The following KANSL1 variants were observed in gnomAD, a reference collection of about 807,000 sequenced individuals.
The protein encoded by KANSL1 is KAT8 regulatory NSL complex subunit 1.
A neutral mutation model predicts 103.6 loss-of-function variants in KANSL1; 22 were observed. The ratio of observed to expected loss-of-function variants is 0.21; its 90% CI spans 0.15 to 0.30. KANSL1 has a LOEUF of 0.30. KANSL1 is among the 10% of genes least tolerant of loss of function. The probability of loss-of-function intolerance (pLI) is 1.00; values close to 1 mark genes in which losing one functional copy is unlikely to be tolerated. For synonymous variants in KANSL1, 600 were observed against 527.6 expected (o/e 1.14, Z -1.88); for missense variants, 1,337 against 1,399.8 (o/e 0.96, Z 0.72).
chr17:46,161,435 C>CA (rs367893192), intron 2 of KANSL1, among the ~76,000 whole-genome samples: 23,253 of 134,654 alleles, frequency 0.17, 2,259 homozygotes, highest in Non-Finnish European at 0.24. Flanking sequence ...GACTCTGTCT[C>CA]AAAAAAAAAA....
chr17:46,054,319 G>C (rs1454216955), intron 6 of KANSL1, among the ~76,000 whole-genome samples: 2 of 152,186 alleles, frequency 1.3e-5, no homozygotes, highest in African/African-American at 4.8e-5. Flanking sequence ...TTCCCAAAGT[G>C]CTGGGATTAC....
At chr17:46,195,650 G>C (rs1183961828), upstream of KANSL1, among the ~76,000 whole-genome samples, 1 of 152,188 alleles carries the variant, frequency 6.6e-6, no homozygotes, top group African/African-American at 2.4e-5. Context: ...CAGCCTCCCA[G>C]GCTCAGGCGA....
intron 6 of KANSL1, among the ~76,000 whole-genome samples, chr17:46,052,794 T>TAA (rs35162336): frequency 0.13 from 15,513 of 118,136 alleles, 1,145 homozygotes; most frequent in Non-Finnish European, 0.16. Context: ...AATTTAAAAT[T>TAA]AAAAAAAAAA....
Position 46,171,668 on chromosome 17 carries a change from T to A in KANSL1, c.476A>T (p.Lys159Met), listed in dbSNP as rs1483703003. ...ATGTGTTGAACTTTTAGTCAATTTC[T>A]TAGCCAACCCATTTACAGGTGCTTG... is the stretch of plus-strand genomic sequence containing the variant. ...LPQAPVNGLA[K>M]KLTKSSTHSD... Residue 159 changes from lysine to methionine, a missense_variant, in exon 2 of 15, where the codon AAG becomes ATG. Coordinates refer to ENST00000432791, the MANE Select transcript of KANSL1 (RefSeq NM_015443.4). The A allele has an allele frequency of 6.4e-7, 1 of 1,552,318 alleles. No homozygotes were observed.
intron 3 of KANSL1, chr17:46,093,780 T>C (rs1568440086): frequency 1.3e-5 from 2 of 152,206 alleles, no homozygotes; most frequent in South Asian, 2.1e-4. Context: ...TACATAAAGA[T>C]AGAGCTCAGC....
chr17:46,166,063 T>C (rs1162822498), intron 2 of KANSL1, among the ~76,000 whole-genome samples: 4 of 150,934 alleles, frequency 2.7e-5, no homozygotes, highest in South Asian at 2.1e-4. Flanking sequence ...AATACAAAAA[T>C]TAGCCAGGCA....
At chr17:46,068,022 A>G (rs986168470) in intron 4 of KANSL1, among the ~76,000 whole-genome samples, 1 of 152,164 alleles carries the variant, frequency 6.6e-6, no homozygotes, top group Non-Finnish European at 1.5e-5. Flanking sequence ...GGGAAGAGGG[A>G]TGAGGAATCC....
intron 2 of KANSL1, among the ~76,000 whole-genome samples, chr17:46,122,742 A>T (rs1009990195): frequency 6.6e-6 from 1 of 152,244 alleles, no homozygotes; most frequent in African/African-American, 2.4e-5. Context: ...CAATATTTCA[A>T]ATGTTTTCAT....
chr17:46,097,605 G>A (rs2042141601), intron 2 of KANSL1, among the ~76,000 whole-genome samples: 1 of 152,206 alleles, frequency 6.6e-6, no homozygotes, highest in African/African-American at 2.4e-5. Context: ...CATTAACATT[G>A]TTTAAATATT....
At chr17:46,092,930 T>C (rs553136797) in intron 3 of KANSL1, 5 of 152,276 alleles carry the variant, frequency 3.3e-5, no homozygotes, top group Non-Finnish European at 5.9e-5. Context: ...TTACAATCAA[T>C]AGCATCTTAA....
intron 1 of KANSL1, among the ~76,000 whole-genome samples, chr17:46,211,470 C>G (rs1449007155): frequency 6.6e-6 from 1 of 152,204 alleles, no homozygotes; most frequent in Non-Finnish European, 1.5e-5. Flanking sequence ...CAAAGCTGTC[C>G]TGGGCCGCAT....
At chr17:46,200,428 A>G (rs1481142549) in intron 1 of KANSL1, among the ~76,000 whole-genome samples, 3 of 152,208 alleles carry the variant, frequency 2.0e-5, no homozygotes, top group Non-Finnish European at 4.4e-5. Context: ...GCAGGTGTAC[A>G]AGGCAAAACA....
chr17:46,067,363 G>A (rs538029516), intron 5 of KANSL1, among the ~76,000 whole-genome samples, 186 bp downstream of exon 5: 4 of 152,246 alleles, frequency 2.6e-5, no homozygotes, highest in Non-Finnish European at 5.9e-5. Flanking sequence ...ATTTTAGTAG[G>A]TAAAAGGAAA....
chr17:46,214,284 T>G (rs2048270686), intron 1 of KANSL1, among the ~76,000 whole-genome samples: 1 of 152,262 alleles, frequency 6.6e-6, no homozygotes, highest in Non-Finnish European at 1.5e-5. Context: ...GCTTTTCCAC[T>G]GATACCCTCC....
At chr17:46,040,311 TACTACATA>T in intron 7 of KANSL1, 1 of 165,144 alleles carries the variant, frequency 6.1e-6, no homozygotes, top group Non-Finnish European at 1.3e-5. Context: ...CTGTACTGAG[TACTACATA>T]CTCTCTCCAA....
In KANSL1 at chr17:46,033,099, G is replaced by C. The variant is rs1448372649; in HGVS notation, c.2818C>G (p.Pro940Ala). 4.4e-6 allele frequency: 7 copies of C among 1,593,614 alleles called. No individual in the cohort carries two copies. The highest frequency in any genetic ancestry group is 6.0e-6 in the Non-Finnish European group (7 of 1,169,564). Residue 940 changes from proline (P) to alanine (A), a missense_variant, in exon 13 of 15, where the codon CCC (proline) becomes GCC (alanine). Physicochemically the swap from Pro to Ala is conservative, Grantham distance 27. This residue lies in a region of KANSL1 where 780 missense variants were observed against 923.4 expected (regional missense o/e 0.84). Transcript: ENST00000432791. ...CATCACCTGCTGCCCCGCCGCTGGG[G>C]TGGCACACTCGTGGTCCACAGCCAC... The part of the protein sequence containing the change: ...ARWLWTTSVP[P>A]QRRGSRSYRS...
chr17:46,041,533 A>G (rs1568377530), intron 7 of KANSL1: 1 of 152,140 alleles, frequency 6.6e-6, no homozygotes, highest in Non-Finnish European at 1.5e-5. Flanking sequence ...CAGAGTCCCT[A>G]TCCACTGCTT....
intron 1 of KANSL1, among the ~76,000 whole-genome samples, chr17:46,210,808 A>G (rs1597976398): frequency 1.3e-5 from 2 of 152,242 alleles, no homozygotes; most frequent in South Asian, 4.1e-4. Context: ...ATTTGCAAAA[A>G]CTAAGATTTA....
chr17:46,207,673 A>T (rs956064183), intron 1 of KANSL1, among the ~76,000 whole-genome samples: 2 of 152,256 alleles, frequency 1.3e-5, no homozygotes, highest in African/African-American at 4.8e-5. Context: ...AATGGCCAAT[A>T]AGCACATGAA....
Sources: allele counts gnomAD v4.1 joint callset (sites outside exome capture counted in the v4.1 genomes callset), GRCh38; gene constraint gnomAD v4.1.1; regional missense constraint gnomAD v4.1.1; transcripts MANE v1.5; gene names NCBI Gene and HGNC (gene_info 2026-07-23, HGNC 2026-07-21).